PHF21A: variants seen among roughly 807,000 people sequenced by gnomAD.
PHF21A encodes PHD finger protein 21A.
PHF21A carries 11 observed loss-of-function variants against 82.5 expected under a neutral mutation model. That is an observed-to-expected ratio of 0.13 (90% CI 0.08 to 0.22). The LOEUF is 0.22. Among genes scored for constraint, PHF21A ranks in the 10% least tolerant of loss-of-function variants. PHF21A has a pLI of 1.00. For missense variants in PHF21A, 579 were observed against 837.8 expected (o/e 0.69, Z 3.81); for synonymous variants, 297 against 302.8 (o/e 0.98, Z 0.20).
chr11:46,113,544 T>C (rs1303411723), intron 1 of PHF21A, among the ~76,000 whole-genome samples: 1 of 152,202 alleles, frequency 6.6e-6, no homozygotes, highest in Non-Finnish European at 1.5e-5. Flanking sequence ...AGTTTAATTG[T>C]TTTGGCCGGG....
intron 6 of PHF21A, among the ~76,000 whole-genome samples, chr11:46,034,056 GT>G (rs1012810156): frequency 2.6e-5 from 4 of 152,166 alleles, no homozygotes; most frequent in African/African-American, 9.7e-5. Flanking sequence ...TTGCCAATCT[GT>G]CAGAAGTAAA....
chr11:46,119,073 C>A (rs1347501267), intron 1 of PHF21A, among the ~76,000 whole-genome samples: 1 of 150,708 alleles, frequency 6.6e-6, no homozygotes, highest in Admixed American at 6.7e-5. Context: ...TCAAGTGAAC[C>A]TGTGAAAAGA....
At chr11:46,080,957 C>T (rs1302595734) in intron 4 of PHF21A, among the ~76,000 whole-genome samples, 3 of 152,264 alleles carry the variant, frequency 2.0e-5, no homozygotes, top group Middle Eastern at 3.4e-3. Flanking sequence ...AGCCACCATG[C>T]GCAGCTCTTG....
At chr11:45,945,302 G>A (rs1322046154) in intron 15 of PHF21A, among the ~76,000 whole-genome samples, 3 of 152,200 alleles carry the variant, frequency 2.0e-5, no homozygotes, top group Non-Finnish European at 2.9e-5. Context: ...CCTGCAGTTT[G>A]TGGGTGAAGG....
At chr11:46,085,449 A>G (rs1418947181) in intron 3 of PHF21A, among the ~76,000 whole-genome samples, 1 of 152,168 alleles carries the variant, frequency 6.6e-6, no homozygotes, top group Non-Finnish European at 1.5e-5. Context: ...TCGATGGCTA[A>G]TTTATCCTTT....
At chr11:45,950,142 A>G (rs2091906156) in intron 12 of PHF21A, 64 bp downstream of exon 12, 1 of 1,262,546 alleles carries the variant, frequency 7.9e-7, no homozygotes, top group Non-Finnish European at 1.1e-6. Context: ...TCAATCAAAC[A>G]TCATTTTCAG....
chr11:46,096,714 C>T (rs1024187263), intron 1 of PHF21A, among the ~76,000 whole-genome samples: 7 of 152,160 alleles, frequency 4.6e-5, no homozygotes. Flanking sequence ...GGAACTCTTC[C>T]CCTTAGGTGA....
chr11:46,080,163 A>C (rs2096773218), intron 4 of PHF21A, among the ~76,000 whole-genome samples: 1 of 151,998 alleles, frequency 6.6e-6, no homozygotes, highest in Non-Finnish European at 1.5e-5. Context: ...TTATCTAACT[A>C]CTAGTTTTTT....
At chr11:46,065,258 G>A (rs1242930527) in intron 6 of PHF21A, among the ~76,000 whole-genome samples, 1 of 152,204 alleles carries the variant, frequency 6.6e-6, no homozygotes, top group African/African-American at 2.4e-5. Context: ...TGACAGAACT[G>A]TGGTCAATGA....
intron 6 of PHF21A, among the ~76,000 whole-genome samples, chr11:45,986,554 T>C (rs2094497383): frequency 6.6e-6 from 1 of 152,176 alleles, no homozygotes; most frequent in Non-Finnish European, 1.5e-5. Flanking sequence ...GGAATGGTAG[T>C]TGTAATATAT....
intron 1 of PHF21A, among the ~76,000 whole-genome samples, chr11:46,099,719 C>G (rs2097065043): frequency 6.6e-6 from 1 of 152,102 alleles, no homozygotes. Flanking sequence ...ACATTTCAAG[C>G]ACTAAAAGAA....
At chr11:46,098,398 G>T (rs2097033605) in intron 1 of PHF21A, among the ~76,000 whole-genome samples, 1 of 152,094 alleles carries the variant, frequency 6.6e-6, no homozygotes. Context: ...TTACAGGAAG[G>T]CTTTTAAGTA....
intron 6 of PHF21A, among the ~76,000 whole-genome samples, chr11:46,056,458 A>G (rs2096458540): frequency 6.6e-6 from 1 of 152,182 alleles, no homozygotes; most frequent in Admixed American, 6.6e-5. Flanking sequence ...TTCTCAAATT[A>G]GTATGAGCTA....
chr11:46,114,252 A>G (rs553451545), intron 1 of PHF21A, among the ~76,000 whole-genome samples: 5 of 152,348 alleles, frequency 3.3e-5, no homozygotes, highest in Admixed American at 1.3e-4. Flanking sequence ...ACACAAGCTG[A>G]TAAGTTTGAG....
intron 6 of PHF21A, among the ~76,000 whole-genome samples, chr11:46,001,873 A>G (rs951890257): frequency 1.3e-5 from 2 of 152,234 alleles, no homozygotes; most frequent in Non-Finnish European, 2.9e-5. Flanking sequence ...CAGATGGGCC[A>G]TAATACAAGA....
chr11:45,976,319 T>C (rs2094020055), intron 7 of PHF21A, among the ~76,000 whole-genome samples: 1 of 152,200 alleles, frequency 6.6e-6, no homozygotes, highest in Non-Finnish European at 1.5e-5. Context: ...AATTACTCTG[T>C]CCTCAAAATT....
intron 15 of PHF21A, among the ~76,000 whole-genome samples, chr11:45,939,404 GA>G: frequency 6.6e-6 from 1 of 151,942 alleles, no homozygotes; most frequent in South Asian, 2.1e-4. Context: ...TGCTCAAGAA[GA>G]AAAAAATACA....
chr11:46,087,819 G>A (rs1037651358), intron 3 of PHF21A, among the ~76,000 whole-genome samples: 6 of 152,244 alleles, frequency 3.9e-5, no homozygotes, highest in East Asian at 1.9e-4. Flanking sequence ...GCAGTGGTGC[G>A]ATCACGGCTC....
At chr11:46,089,036 C>G (rs1455595686) in intron 3 of PHF21A, among the ~76,000 whole-genome samples, 1 of 94,396 alleles carries the variant, frequency 1.1e-5, no homozygotes, top group Non-Finnish European at 2.2e-5. Flanking sequence ...ACGATAAGTC[C>G]ATGACACAGT....
Sources: allele counts gnomAD v4.1 joint callset (sites outside exome capture counted in the v4.1 genomes callset), GRCh38; gene constraint gnomAD v4.1.1; transcripts MANE v1.5; gene names NCBI Gene and HGNC (gene_info 2026-07-23, HGNC 2026-07-21).